The following CSMD3 variants were observed in gnomAD, a reference collection of about 807,000 sequenced individuals.
The protein encoded by CSMD3 is CUB and sushi domain-containing protein 3.
CSMD3 carries 177 observed loss-of-function variants against 435.2 expected under a neutral mutation model. The observed-to-expected ratio is 0.41, with a 90% confidence interval of 0.36 to 0.46. CSMD3 has a LOEUF of 0.46. Ranked by LOEUF, CSMD3 falls within the 20% of genes least tolerant of loss-of-function variation. The probability of loss-of-function intolerance (pLI) is 0.34; values close to 1 mark genes in which losing one functional copy is unlikely to be tolerated. For missense variants in CSMD3, 4,265 were observed against 4,504.6 expected (o/e 0.95, Z 1.52); for synonymous variants, 1,656 against 1,520.5 (o/e 1.09, Z -2.07).
chr8:112,442,211 T>C (rs917098609), intron 32 of CSMD3, among the ~76,000 whole-genome samples: 1 of 152,080 alleles, frequency 6.6e-6, no homozygotes. Context: ...AAATAACTCA[T>C]TCATTACTGA....
At chr8:113,178,834 A>G (rs1286144732) in intron 3 of CSMD3, among the ~76,000 whole-genome samples, 1 of 151,878 alleles carries the variant, frequency 6.6e-6, no homozygotes, top group Non-Finnish European at 1.5e-5. Context: ...TTGCGAAAAA[A>G]TATTTCGAAA....
intron 3 of CSMD3, among the ~76,000 whole-genome samples, chr8:113,177,869 A>G (rs991514127): frequency 6.6e-6 from 1 of 151,982 alleles, no homozygotes; most frequent in Admixed American, 6.6e-5. Context: ...AGACTATTCT[A>G]AAGTGTAGAA....
intron 61 of CSMD3, among the ~76,000 whole-genome samples, chr8:112,257,309 G>C (rs1359464164): frequency 2.6e-5 from 4 of 152,168 alleles, no homozygotes; most frequent in East Asian, 1.9e-4. Context: ...AATAAATAAG[G>C]GTATTCAAAT....
In CSMD3 at chr8:113,374,837, AAAAAAAAAAAC is replaced by A. The variant is rs1477516885; in HGVS notation, c.179-60055_179-60045del. 8.7e-3 allele frequency among the ~76,000 whole-genome samples: 1,116 copies of A among 127,720 alleles called. 24 individuals carry two copies. Among genetic ancestry groups the A allele is most frequent in the African/African-American group, 0.03 (1,051 of 35,504 alleles). 83.8% of individuals were successfully genotyped at this position (127,720 alleles called of 152,430 possible). ...AAAAAGTAAAAAAAAAAAAAAAAAA[AAAAAAAAAAAC>A]CAATAAAATGAACACCATAATACCA... On this transcript the variant is annotated intron_variant, in intron 1 of 70. Coordinates refer to ENST00000297405, the MANE Select transcript of CSMD3 (RefSeq NM_198123.2).
intron 3 of CSMD3, among the ~76,000 whole-genome samples, chr8:113,221,328 TAGG>T (rs1475431345): frequency 2.1e-5 from 3 of 145,284 alleles, no homozygotes; most frequent in Non-Finnish European, 4.6e-5. Context: ...TCAAATGACT[TAGG>T]AGAAAATACA....
At chr8:112,589,517 C>T (rs988747618) in intron 22 of CSMD3, among the ~76,000 whole-genome samples, 16 of 152,022 alleles carry the variant, frequency 1.1e-4, no homozygotes, top group Non-Finnish European at 1.6e-4. Flanking sequence ...ATAATTCTCA[C>T]GAATAATAGT....
intron 5 of CSMD3, among the ~76,000 whole-genome samples, chr8:113,075,694 A>G (rs549262530): frequency 6.6e-5 from 10 of 151,996 alleles, no homozygotes; most frequent in Non-Finnish European, 1.0e-4. Flanking sequence ...TATTCAGGGT[A>G]ACTATTCTGT....
chr8:113,382,817 C>T (rs923947889), intron 1 of CSMD3, among the ~76,000 whole-genome samples: 11 of 151,944 alleles, frequency 7.2e-5, no homozygotes, highest in African/African-American at 2.7e-4. Context: ...CCCGTCTCTA[C>T]TAAAAATACA....
At chr8:112,228,595 T>C (rs1812790448) in intron 70 of CSMD3, among the ~76,000 whole-genome samples, 161 bp downstream of exon 70, 1 of 152,118 alleles carries the variant, frequency 6.6e-6, no homozygotes, top group African/African-American at 2.4e-5. Flanking sequence ...GCAGGGGTGG[T>C]TAGGGGAAAT....
At chr8:112,705,125 T>C (rs2076471002) in intron 13 of CSMD3, among the ~76,000 whole-genome samples, 1 of 152,088 alleles carries the variant, frequency 6.6e-6, no homozygotes, top group Admixed American at 6.6e-5. Flanking sequence ...CGGGACATGC[T>C]ACCCCAAAAT....
Position 112,406,612 on chromosome 8 carries a change from T to A in CSMD3, c.5721A>T (p.Gly1907=). The A allele has an allele frequency of 6.2e-7, 1 of 1,612,096 alleles. No individual in the cohort carries two copies. ...GSSVLFDCNP[G]YILHGSIAIR... is the part of the protein sequence containing the mutation. ...TTGCTATGGATCCATGGAGAATATATCCTGGATTACAATCAAAAAGAACCG... is the reference window on the plus strand; with the variant it reads ...TTGCTATGGATCCATGGAGAATATAACCTGGATTACAATCAAAAAGAACCG... Residue 1907 remains glycine (G), a synonymous_variant, in exon 35 of 71, where the codon GGA becomes GGT. Coordinates refer to ENST00000297405, the MANE Select transcript of CSMD3 (RefSeq NM_198123.2).
At chr8:113,092,750 A>T (rs2090045606) in intron 5 of CSMD3, among the ~76,000 whole-genome samples, 1 of 152,092 alleles carries the variant, frequency 6.6e-6, no homozygotes, top group Admixed American at 6.6e-5. Flanking sequence ...ACAGTCAAAT[A>T]AATGGATCCT....
chr8:112,768,638 A>G (rs2132183015), intron 13 of CSMD3, among the ~76,000 whole-genome samples: 1 of 152,054 alleles, frequency 6.6e-6, no homozygotes, highest in Admixed American at 6.6e-5. Flanking sequence ...AGCTTGTAGA[A>G]CAGTACTTTG....
intron 43 of CSMD3, among the ~76,000 whole-genome samples, chr8:112,337,066 T>C (rs1299925545): frequency 6.6e-6 from 1 of 152,210 alleles, no homozygotes; most frequent in Non-Finnish European, 1.5e-5. Flanking sequence ...ACTAGATTAG[T>C]AAATTACATT....
intron 18 of CSMD3, among the ~76,000 whole-genome samples, chr8:112,652,587 T>A (rs2075154774): frequency 6.6e-6 from 1 of 152,180 alleles, no homozygotes; most frequent in Non-Finnish European, 1.5e-5. Flanking sequence ...AGATGATGTA[T>A]TTCTTTTATG....
chr8:113,291,785 G>C (rs1291149006), intron 2 of CSMD3, among the ~76,000 whole-genome samples: 4 of 151,822 alleles, frequency 2.6e-5, no homozygotes, highest in Non-Finnish European at 5.9e-5. Flanking sequence ...AATTTTGTTT[G>C]AACTAGGTGT....
chr8:112,545,408 G>A (rs1373400646), intron 27 of CSMD3, among the ~76,000 whole-genome samples: 4 of 146,380 alleles, frequency 2.7e-5, no homozygotes, highest in Admixed American at 7.0e-5. Context: ...GCTTGAGCCC[G>A]GGAGGTGTAG....
At chr8:112,475,071 T>A (rs113191047) in intron 31 of CSMD3, among the ~76,000 whole-genome samples, 4 of 152,322 alleles carry the variant, frequency 2.6e-5, no homozygotes, top group African/African-American at 9.6e-5. Flanking sequence ...GTATGTCTTA[T>A]GTTAATTTTC....
intron 7 of CSMD3, among the ~76,000 whole-genome samples, chr8:112,955,779 G>C (rs1482168878): frequency 6.6e-6 from 1 of 151,750 alleles, no homozygotes; most frequent in East Asian, 1.9e-4. Context: ...CAGGTTTATA[G>C]TGAAGGATGA....
Sources: allele counts gnomAD v4.1 joint callset (sites outside exome capture counted in the v4.1 genomes callset), GRCh38; gene constraint gnomAD v4.1.1; transcripts MANE v1.5; gene names NCBI Gene and HGNC (gene_info 2026-07-23, HGNC 2026-07-21).